The following PPP2R5A variants were observed in gnomAD, a reference collection of about 807,000 sequenced individuals.
PPP2R5A encodes the protein serine/threonine-protein phosphatase 2A 56 kDa regulatory subunit alpha isoform.
Under a neutral mutation model 64.2 loss-of-function variants are expected in PPP2R5A, and 25 were observed. That is an observed-to-expected ratio of 0.39 (90% CI 0.28 to 0.54). The LOEUF (loss-of-function observed/expected upper bound fraction) is 0.54, where lower values mean the gene tolerates loss of function less well. Ranked by LOEUF, PPP2R5A falls within the 20% of genes least tolerant of loss-of-function variation. The pLI, the probability that PPP2R5A is intolerant of heterozygous loss-of-function variation, is 0.67. For missense variants in PPP2R5A, 425 were observed against 576.3 expected (o/e 0.74, Z 2.69); for synonymous variants, 198 against 201.2 (o/e 0.98, Z 0.13).
intron 8 of PPP2R5A, among the ~76,000 whole-genome samples, chr1:212,351,121 A>C (rs1034340271): frequency 6.6e-5 from 10 of 151,716 alleles, no homozygotes; most frequent in Admixed American, 3.3e-4. Context: ...AAACAAAAAA[A>C]CAAAAAACCT....
intron 1 of PPP2R5A, among the ~76,000 whole-genome samples, chr1:212,306,266 T>C (rs187337678): frequency 2.0e-5 from 3 of 152,130 alleles, no homozygotes; most frequent in Admixed American, 2.0e-4. Context: ...AGGAAAGGAA[T>C]GTGAGCTGGT....
At position 212,286,156 on chromosome 1, in the gene PPP2R5A, T is replaced by A; in HGVS notation, c.46T>A (p.Ser16Thr). The A allele has an allele frequency of 6.3e-7, 1 of 1,589,346 alleles. No individual in the cohort carries two copies. Residue 16 changes from serine to threonine, a missense_variant, in exon 1 of 13, where the codon TCG (serine) becomes ACG (threonine). Around this residue, in one of 4 missense-constraint regions of PPP2R5A, gnomAD observed 104 missense variants for 95.7 expected, o/e 1.09. Coordinates refer to ENST00000261461, the MANE Select transcript of PPP2R5A (RefSeq NM_006243.4). ...GGCGGGGGCTGCCAGCGCCGCCATC[T>A]CGGCCTCGGAGAAAGTGGACGGCTT... ...PPAGAASAAI[S>T]ASEKVDGFTR...
At chr1:212,326,738 C>G (rs2102431191) in intron 1 of PPP2R5A, among the ~76,000 whole-genome samples, 1 of 152,292 alleles carries the variant, frequency 6.6e-6, no homozygotes, top group South Asian at 2.1e-4. Flanking sequence ...ATTATTGATT[C>G]TGGAACAGGA....
chr1:212,319,112 G>A (rs1461947572), intron 1 of PPP2R5A, among the ~76,000 whole-genome samples: 1 of 152,186 alleles, frequency 6.6e-6, no homozygotes, highest in African/African-American at 2.4e-5. Context: ...TATGTCATCA[G>A]TTCAAGAAAA....
intron 1 of PPP2R5A, among the ~76,000 whole-genome samples, chr1:212,311,341 G>T (rs948269707): frequency 3.9e-5 from 6 of 151,904 alleles, no homozygotes; most frequent in Non-Finnish European, 7.4e-5. Context: ...GGTGGCAGGC[G>T]CCTGTAGTCC....
intron 1 of PPP2R5A, among the ~76,000 whole-genome samples, chr1:212,288,600 C>T (rs750512818): frequency 1.3e-5 from 2 of 152,032 alleles, no homozygotes; most frequent in Non-Finnish European, 2.9e-5. Context: ...ACTCCAGATG[C>T]CAAAATGCTT....
At chr1:212,301,122 T>C (rs1658793392) in intron 1 of PPP2R5A, among the ~76,000 whole-genome samples, 1 of 152,190 alleles carries the variant, frequency 6.6e-6, no homozygotes, top group Non-Finnish European at 1.5e-5. Flanking sequence ...GCAATTCTCC[T>C]ACCTCAGTCT....
intron 8 of PPP2R5A, among the ~76,000 whole-genome samples, 187 bp downstream of exon 8, chr1:212,349,429 A>T (rs922934079): frequency 6.6e-6 from 1 of 152,142 alleles, no homozygotes; most frequent in African/African-American, 2.4e-5. Flanking sequence ...CTCGTGAGTT[A>T]TGTCTTGAAT....
At chr1:212,315,841 C>T (rs530458457) in intron 1 of PPP2R5A, among the ~76,000 whole-genome samples, 2 of 152,084 alleles carry the variant, frequency 1.3e-5, no homozygotes, top group Non-Finnish European at 2.9e-5. Context: ...AGCATGTGCT[C>T]GCTTTGTGTC....
chr1:212,297,484 T>A (rs1313864559), intron 1 of PPP2R5A: 1 of 152,164 alleles, frequency 6.6e-6, no homozygotes, highest in African/African-American at 2.4e-5. Flanking sequence ...TTGTAGAAGC[T>A]GAATGAGTAA....
At chr1:212,297,158 A>C (rs2440735) in intron 1 of PPP2R5A, among the ~76,000 whole-genome samples, 2 of 127,312 alleles carry the variant, frequency 1.6e-5, no homozygotes, top group Non-Finnish European at 1.7e-5. Context: ...GTCTCACTCT[A>C]TCGCCCAGGC....
chr1:212,320,517 G>A (rs1295848789), intron 1 of PPP2R5A, among the ~76,000 whole-genome samples: 10 of 151,972 alleles, frequency 6.6e-5, no homozygotes, highest in Non-Finnish European at 1.5e-4. Context: ...TCCCAGTAGG[G>A]GCGGCCGGGC....
chr1:212,287,789 TATC>T (rs1358879800), intron 1 of PPP2R5A, among the ~76,000 whole-genome samples: 1 of 152,166 alleles, frequency 6.6e-6, no homozygotes, highest in Non-Finnish European at 1.5e-5. Flanking sequence ...TTATTTAAAA[TATC>T]ATAGTTTTTT....
Position 212,360,825 on chromosome 1 carries a change from A to G in PPP2R5A, c.*55A>G, listed in dbSNP as rs1360895253. Reference sequence around the variant, plus strand: ...GCAGAGTTTTGTATGCTTTTTTGAAATATGTAAAAATTACAAAACAAACCT... The same window carrying G: ...GCAGAGTTTTGTATGCTTTTTTGAAGTATGTAAAAATTACAAAACAAACCT... On this transcript the variant is annotated 3_prime_UTR_variant, in exon 13 of 13. Transcript: ENST00000261461. 2.1e-6 allele frequency: 3 copies of G among 1,458,548 alleles called. No individual in the cohort carries two copies. Among genetic ancestry groups the G allele is most frequent in the Admixed American group, 2.6e-5 (1 of 38,362 alleles). 90.4% of individuals were successfully genotyped at this position (1,458,548 alleles called of 1,614,324 possible).
chr1:212,327,031 G>A (rs1659418191), intron 1 of PPP2R5A, among the ~76,000 whole-genome samples: 1 of 152,132 alleles, frequency 6.6e-6, no homozygotes, highest in Non-Finnish European at 1.5e-5. Flanking sequence ...CTTTTTTAAG[G>A]ACAGCAACTT....
intron 8 of PPP2R5A, among the ~76,000 whole-genome samples, chr1:212,351,341 C>T (rs1307504084): frequency 6.6e-6 from 1 of 152,054 alleles, no homozygotes; most frequent in East Asian, 1.9e-4. Context: ...AAATTACGGC[C>T]ATATTACTTG....
intron 1 of PPP2R5A, among the ~76,000 whole-genome samples, chr1:212,316,963 ACT>A (rs1659166185): frequency 1.3e-5 from 2 of 151,848 alleles, no homozygotes; most frequent in South Asian, 2.1e-4. Context: ...GGGATGGTAG[ACT>A]CTTCAGCAAG....
chr1:212,358,856 A>C, intron 12 of PPP2R5A, 69 bp downstream of exon 12: 1 of 1,264,756 alleles, frequency 7.9e-7, no homozygotes, highest in South Asian at 1.3e-5. Flanking sequence ...TCAGTTCAGG[A>C]AGGTATCTTC....
intron 9 of PPP2R5A, 27 bp from the exon 10 acceptor site, chr1:212,356,923 T>C (rs1490236798): frequency 6.8e-7 from 1 of 1,473,562 alleles, no homozygotes; most frequent in Non-Finnish European, 9.2e-7. Context: ...TTATCATGTT[T>C]CTTAAAATAA....
Sources: allele counts gnomAD v4.1 joint callset (sites outside exome capture counted in the v4.1 genomes callset), GRCh38; gene constraint gnomAD v4.1.1; regional missense constraint gnomAD v4.1.1; transcripts MANE v1.5; gene names NCBI Gene and HGNC (gene_info 2026-07-23, HGNC 2026-07-21).